PHACTR4: variants seen among roughly 807,000 people sequenced by gnomAD.
PHACTR4 encodes phosphatase and actin regulator 4, also known as protein phosphatase 1, regulatory subunit 124.
A neutral mutation model predicts 72.7 loss-of-function variants in PHACTR4; 51 were observed. The ratio of observed to expected loss-of-function variants is 0.70; its 90% confidence interval spans 0.56 to 0.89. The LOEUF (loss-of-function observed/expected upper bound fraction) is 0.89. Ranked by LOEUF, PHACTR4 falls within the 40% of genes least tolerant of loss-of-function variation. The probability of loss-of-function intolerance (pLI) is 0.00; values close to 1 mark genes in which losing one functional copy is unlikely to be tolerated. For missense variants in PHACTR4, 731 were observed against 861.8 expected (o/e 0.85, Z 1.90); for synonymous variants, 255 against 302.5 (o/e 0.84, Z 1.63).
intron 9 of PHACTR4, among the ~76,000 whole-genome samples, chr1:28,487,401 A>G (rs572438284): frequency 6.6e-6 from 1 of 151,274 alleles, no homozygotes; most frequent in East Asian, 1.9e-4. Flanking sequence ...TAAATAAATA[A>G]AATGGAAGAT....
At chr1:28,417,210 A>G (rs552798447) in intron 2 of PHACTR4, among the ~76,000 whole-genome samples, 1 of 152,314 alleles carries the variant, frequency 6.6e-6, no homozygotes, top group Admixed American at 6.5e-5. Flanking sequence ...TTGATGAAGC[A>G]GATGATTGCA....
intron 2 of PHACTR4, among the ~76,000 whole-genome samples, chr1:28,408,182 CTT>C (rs1332605824): frequency 2.0e-5 from 3 of 152,226 alleles, no homozygotes; most frequent in Non-Finnish European, 4.4e-5. Context: ...GTATACTTCT[CTT>C]TGGTTGGAAA....
At position 28,430,111 on chromosome 1, in the gene PHACTR4, C is replaced by T. The variant is rs924706690; in HGVS notation, c.16+22648C>T. ...GATCTCGGCTTACTGCAAGCTCCGT[C>T]TCCCGGGTTCACGCCATTCTCCTGC... On this transcript the variant is annotated intron_variant, in intron 2 of 13. Transcript: ENST00000373839. 3.3e-5 allele frequency among the ~76,000 whole-genome samples: 5 copies of T among 152,044 alleles called. No homozygotes were observed. In the South Asian group the frequency reaches 8.3e-4, roughly 25 times the overall value.
chr1:28,471,201 T>C (rs1376377679), intron 6 of PHACTR4, among the ~76,000 whole-genome samples: 1 of 151,686 alleles, frequency 6.6e-6, no homozygotes, highest in Non-Finnish European at 1.5e-5. Flanking sequence ...TACAAAAAAT[T>C]AGCCGGGCGT....
intron 2 of PHACTR4, among the ~76,000 whole-genome samples, chr1:28,413,615 A>C (rs1419831765): frequency 1.3e-5 from 2 of 151,962 alleles, no homozygotes; most frequent in African/African-American, 4.8e-5. Flanking sequence ...TTTCTTTTCT[A>C]CTATTAGAGT....
intron 1 of PHACTR4, among the ~76,000 whole-genome samples, chr1:28,385,542 C>CA (rs765203303): frequency 0.086 from 6,776 of 79,028 alleles, 785 homozygotes; most frequent in African/African-American, 0.29. Flanking sequence ...GACTCTGTCT[C>CA]AAAAAAAAAA....
intron 7 of PHACTR4, 112 bp from the exon 8 acceptor site, chr1:28,475,995 T>C: frequency 9.8e-7 from 1 of 1,022,934 alleles, no homozygotes; most frequent in African/African-American, 1.7e-5. Flanking sequence ...CCCAAAGTGC[T>C]GGGATTACAG....
intron 8 of PHACTR4, among the ~76,000 whole-genome samples, chr1:28,479,035 G>T (rs187223821): frequency 2.7e-4 from 41 of 152,226 alleles, no homozygotes; most frequent in Admixed American, 7.2e-4. Context: ...TCTAATCCCA[G>T]CACTTTGGGA....
intron 1 of PHACTR4, among the ~76,000 whole-genome samples, chr1:28,403,328 G>T (rs1654072262): frequency 6.6e-6 from 1 of 152,176 alleles, no homozygotes; most frequent in Non-Finnish European, 1.5e-5. Context: ...TCTTATATGT[G>T]CTGTAACGGC....
At chr1:28,455,123 G>A (rs1404350603) in intron 2 of PHACTR4, among the ~76,000 whole-genome samples, 2 of 151,390 alleles carry the variant, frequency 1.3e-5, no homozygotes, top group Admixed American at 1.3e-4. Flanking sequence ...ACCTGTCTCG[G>A]CCTCCCAAAG....
Position 28,489,180 on chromosome 1 carries a change from C to A in PHACTR4, c.1771C>A (p.Gln591Lys). Residue 591 changes from glutamine to lysine, a missense_variant, in exon 10 of 14, where the codon CAA (glutamine) becomes AAA (lysine). Transcript: ENST00000373839. ...TTATCTCATTTTTAGGCGACTGAGT[C>A]AAAGACCAACACCAGAAGAACTAGA... ...IGNTLIRRLS[Q>K]RPTPEELEQR... The A allele has an allele frequency of 6.2e-7, 1 of 1,612,298 alleles. No homozygotes were observed.
At chr1:28,378,318 A>G (rs1288225358) in intron 1 of PHACTR4, among the ~76,000 whole-genome samples, 2 of 147,894 alleles carry the variant, frequency 1.4e-5, no homozygotes, top group Non-Finnish European at 3.0e-5. Flanking sequence ...CCTGGCTAAC[A>G]TGGTGAAACC....
At chr1:28,489,148 C>T (rs781570450) in intron 9 of PHACTR4, 22 bp from the exon 10 acceptor site, 2 of 1,603,918 alleles carry the variant, frequency 1.2e-6, no homozygotes, top group Admixed American at 1.7e-5. Flanking sequence ...ATAAACATTA[C>T]CTTTATTTAT....
At chr1:28,371,414 C>T (rs1171716240) in intron 1 of PHACTR4, among the ~76,000 whole-genome samples, 1 of 152,144 alleles carries the variant, frequency 6.6e-6, no homozygotes, top group Non-Finnish European at 1.5e-5. Context: ...CCTGCCTCAG[C>T]CTCCTGAGTA....
intron 3 of PHACTR4, 44 bp from the exon 4 acceptor site, chr1:28,460,168 T>G (rs755792606): frequency 7.2e-7 from 1 of 1,383,112 alleles, no homozygotes; most frequent in South Asian, 1.2e-5. Context: ...AGGTTGACTT[T>G]CAACTGTCAC....
Position 28,476,113 on chromosome 1 carries a change from C to T in PHACTR4, c.1428C>T (p.Asp476=), listed in dbSNP as rs368030841. The T allele has an allele frequency of 1.2e-4, 189 of 1,600,922 alleles. No individual in the cohort carries two copies. The highest frequency in any genetic ancestry group is 1.7e-4 in the Middle Eastern group (1 of 5,912). ...AATTATGTTAATTTGTTAGTCCAGACGATGAAGAAGAAGAGGAGCAAACCT... is the reference window on the plus strand; with the variant it reads ...AATTATGTTAATTTGTTAGTCCAGATGATGAAGAAGAAGAGGAGCAAACCT... ...PITIEMLKVP[D]DEEEEEQTCP... is the part of the protein sequence containing the mutation. The change falls in exon 8 of 14, where the codon GAC becomes GAT. Residue 476 remains aspartate, a synonymous_variant. Coordinates refer to ENST00000373839, the MANE Select transcript of PHACTR4 (RefSeq NM_001048183.3).
At position 28,496,584 on chromosome 1, in the gene PHACTR4, T is replaced by C. The variant is rs769993075; in HGVS notation, c.*35T>C. 24 of 1,612,310 alleles carry C rather than the reference T, an allele frequency of 1.5e-5. No individual in the cohort carries two copies. Among genetic ancestry groups the C allele is most frequent in the Non-Finnish European group, 1.8e-5 (21 of 1,179,026 alleles). On this transcript the variant is annotated 3_prime_UTR_variant, in exon 14 of 14. Transcript: ENST00000373839. ...TTGAGAGAGGAATCAACATGGCTGC[T>C]TTGCTGCTTCCTTCTCCAAAGTGAC...
chr1:28,466,482 T>C lies in PHACTR4; in HGVS notation c.537T>C (p.His179=). 1 of 1,614,138 alleles carries C rather than the reference T, an allele frequency of 6.2e-7. No homozygotes were observed. The highest frequency in any genetic ancestry group is 8.5e-7 in the Non-Finnish European group (1 of 1,180,024). ...LPPKRPLSSS[H]EASEGQAKDA... is the part of the protein sequence containing the mutation. ...CCAAAAGACCCTTGTCCTCTTCTCA[T>C]GAAGCAAGTGAAGGGCAAGCAAAGG... The change falls in exon 6 of 14, where the codon CAT becomes CAC. Residue 179 remains histidine (H), a synonymous_variant. Coordinates refer to ENST00000373839, the MANE Select transcript of PHACTR4 (RefSeq NM_001048183.3).
rs1339828824 is a variant in PHACTR4, at chr1:28,378,079, C to A, written c.-39+8254C>A. Among the ~76,000 whole-genome samples the A allele has an allele frequency of 5.3e-5, 8 of 150,750 alleles. No homozygotes were observed. The East Asian group carries it at 1.6e-3, about 29-fold the overall frequency. ...GGGCATGGTGGTGGGTGCCTGTAGT[C>A]CCAGCTACTCGGGAGGCTGAGGCAG... On this transcript the variant is annotated intron_variant, in intron 1 of 13. Transcript: ENST00000373839.
Sources: gnomAD v4.1 joint callset for allele counts (sites outside exome capture counted in the v4.1 genomes callset) on GRCh38, gnomAD v4.1.1 for gene constraint, MANE v1.5 for transcripts, NCBI Gene and HGNC (gene_info 2026-07-23, HGNC 2026-07-21) for gene names.